The following ANXA11 variants were observed in gnomAD, a reference collection of about 807,000 sequenced individuals.
ANXA11 encodes annexin A11.
Under a neutral mutation model 64.7 loss-of-function variants are expected in ANXA11, and 57 were observed. That is an observed-to-expected ratio of 0.88 (90% CI 0.71 to 1.10). The LOEUF (loss-of-function observed/expected upper bound fraction) is 1.10. Ranked by LOEUF, ANXA11 falls within the 50% of genes least tolerant of loss-of-function variation. ANXA11 has a pLI of 0.00. For missense variants in ANXA11, 675 were observed against 670.7 expected (o/e 1.01, Z -0.07); for synonymous variants, 260 against 265.2 (o/e 0.98, Z 0.19).
intron 8 of ANXA11, among the ~76,000 whole-genome samples, chr10:80,164,774 T>C (rs149541224): frequency 6.0e-4 from 92 of 152,288 alleles, no homozygotes; most frequent in African/African-American, 2.1e-3. Flanking sequence ...GTTCCTTGTC[T>C]GTAAGATGGG....
intron 5 of ANXA11, among the ~76,000 whole-genome samples, chr10:80,168,252 C>T (rs1463595412): frequency 3.2e-4 from 30 of 95,074 alleles, no homozygotes; most frequent in Non-Finnish European, 3.7e-4. Flanking sequence ...CTGTCTGTGC[C>T]GGGGGGGGCG....
chr10:80,204,341 A>G (rs1386696452), intron 1 of ANXA11, among the ~76,000 whole-genome samples: 1 of 152,244 alleles, frequency 6.6e-6, no homozygotes, highest in Non-Finnish European at 1.5e-5. Flanking sequence ...GCCGCATAAA[A>G]GGAATGAGGA....
chr10:80,161,880 A>G lies in ANXA11; in HGVS notation c.1180+55T>C, dbSNP rs1845522543. The G allele has an allele frequency of 9.6e-6, 14 of 1,461,916 alleles. No homozygotes were observed. In the East Asian group the frequency reaches 3.0e-4, roughly 31 times the overall value. 90.6% of individuals were successfully genotyped at this position (1,461,916 alleles called of 1,614,324 possible). ...TGTTCCCATAGCTTTGTTTCCCCACAATCCCCTGACTGCCCTCATCTAACT... is the reference window on the plus strand; with the variant it reads ...TGTTCCCATAGCTTTGTTTCCCCACGATCCCCTGACTGCCCTCATCTAACT... On this transcript the variant is annotated intron_variant, in intron 12 of 15. Coordinates refer to ENST00000422982, the MANE Select transcript of ANXA11 (RefSeq NM_145868.2).
At chr10:80,163,445 C>T in intron 10 of ANXA11, 40 bp from the exon 11 acceptor site, 1 of 1,613,866 alleles carries the variant, frequency 6.2e-7, no homozygotes, top group Non-Finnish European at 8.5e-7. Flanking sequence ...CACTCCTTCC[C>T]CATTTATTTT....
rs1564597774 is a variant in ANXA11, at chr10:80,157,733, G to GA, written c.1365dup (p.Arg456SerfsTer19). On this transcript the variant is annotated frameshift_variant, in exon 15 of 16. Coordinates refer to ENST00000422982, the MANE Select transcript of ANXA11 (RefSeq NM_145868.2). LOFTEE classifies it high-confidence loss of function. ...GTCTCGCTGCGAGACACCATGATGC[G>GA]AATCAGGGTCCGGTCCTTTGTTCCT... 6.2e-7 allele frequency: 1 copy of GA among 1,613,872 alleles called. No individual in the cohort carries two copies. The highest frequency in any genetic ancestry group is 1.7e-5 in the Admixed American group (1 of 60,004).
At chr10:80,177,968 C>T (rs1260877923) in intron 1 of ANXA11, among the ~76,000 whole-genome samples, 2 of 151,776 alleles carry the variant, frequency 1.3e-5, no homozygotes, top group Non-Finnish European at 3.0e-5. Flanking sequence ...TTCTTCTCCT[C>T]CTTTTCTTTG....
intron 1 of ANXA11, among the ~76,000 whole-genome samples, chr10:80,198,067 G>GGCATCA (rs1473356067): frequency 6.6e-6 from 1 of 152,190 alleles, no homozygotes; most frequent in Non-Finnish European, 1.5e-5. Flanking sequence ...TGACTCTCGG[G>GGCATCA]GCATCAGCAA....
At position 80,151,777 on chromosome 10, in the gene ANXA11, T is replaced by C. The variant is rs374351040; in HGVS notation, c.*4076A>G. 4 of 152,212 alleles carry C rather than the reference T, an allele frequency of 2.6e-5. No homozygotes were observed. In the East Asian group the frequency reaches 7.7e-4, roughly 29 times the overall value. 9.4% of individuals were successfully genotyped at this position (152,212 alleles called of 1,614,324 possible). On this transcript the variant is annotated 3_prime_UTR_variant, in exon 16 of 16. Coordinates refer to ENST00000422982, the MANE Select transcript of ANXA11 (RefSeq NM_145868.2). ...GCCCTCTGGAGGAACACCTCTACTT[T>C]TGCGGTGTTCTCTGTGTGAGCACAG...
At chr10:80,188,428 G>A (rs1367717618) in intron 1 of ANXA11, among the ~76,000 whole-genome samples, 1 of 147,888 alleles carries the variant, frequency 6.8e-6, no homozygotes, top group Non-Finnish European at 1.5e-5. Context: ...CCTGTGAAAA[G>A]AGGAAAAATG....
chr10:80,187,471 G>T (rs1319578686), intron 1 of ANXA11, among the ~76,000 whole-genome samples: 1 of 152,126 alleles, frequency 6.6e-6, no homozygotes, highest in Non-Finnish European at 1.5e-5. Flanking sequence ...AAGCCACCCG[G>T]TCTATGATAT....
At chr10:80,175,400 TCCTCTC>T (rs1474923334) in intron 2 of ANXA11, among the ~76,000 whole-genome samples, 1 of 151,882 alleles carries the variant, frequency 6.6e-6, no homozygotes, top group East Asian at 1.9e-4. Flanking sequence ...ACTCCTGGCC[TCCTCTC>T]AGAGAAATGA....
intron 1 of ANXA11, among the ~76,000 whole-genome samples, chr10:80,186,622 G>A (rs1846550694): frequency 6.6e-6 from 1 of 152,222 alleles, no homozygotes; most frequent in Non-Finnish European, 1.5e-5. Context: ...GCCTCAGCCT[G>A]CATGAAGCTC....
At chr10:80,194,578 G>C (rs1048317766) in intron 1 of ANXA11, among the ~76,000 whole-genome samples, 3 of 152,104 alleles carry the variant, frequency 2.0e-5, no homozygotes, top group African/African-American at 7.2e-5. Context: ...TGGAGCATAG[G>C]GGCGTCTGAG....
At chr10:80,189,094 G>A (rs1846664379) in intron 1 of ANXA11, among the ~76,000 whole-genome samples, 1 of 152,206 alleles carries the variant, frequency 6.6e-6, no homozygotes, top group African/African-American at 2.4e-5. Flanking sequence ...GTCCTGAGGT[G>A]ATTAGGGTTA....
intron 1 of ANXA11, among the ~76,000 whole-genome samples, chr10:80,190,022 C>A (rs1434898254): frequency 1.3e-5 from 2 of 152,212 alleles, no homozygotes; most frequent in African/African-American, 4.8e-5. Flanking sequence ...CACAAAAGAA[C>A]AAATACTTCT....
At chr10:80,178,199 C>A (rs1182790680) in intron 1 of ANXA11, among the ~76,000 whole-genome samples, 2 of 147,030 alleles carry the variant, frequency 1.4e-5, no homozygotes, top group South Asian at 2.3e-4. Context: ...GAGCTATAAT[C>A]CAGAAGATCT....
chr10:80,186,506 G>A (rs563922706), intron 1 of ANXA11, among the ~76,000 whole-genome samples: 318 of 152,304 alleles, frequency 2.1e-3, no homozygotes, highest in Admixed American at 4.5e-3. Flanking sequence ...AAGAGTAGAG[G>A]GGACAGCGAA....
At chr10:80,167,771 G>A (rs1340976703) in intron 5 of ANXA11, among the ~76,000 whole-genome samples, 1 of 152,224 alleles carries the variant, frequency 6.6e-6, no homozygotes, top group East Asian at 1.9e-4. Context: ...CCACAACTGT[G>A]CATGGCAGCC....
At chr10:80,164,213 G>A in intron 8 of ANXA11, 70 bp from the exon 9 acceptor site, 11 of 1,270,752 alleles carry the variant, frequency 8.7e-6, no homozygotes, top group Non-Finnish European at 1.3e-5. Context: ...GGGAAGAAGG[G>A]TGGGGGCTAC....
Sources: allele counts gnomAD v4.1 joint callset (sites outside exome capture counted in the v4.1 genomes callset), GRCh38; gene constraint gnomAD v4.1.1; transcripts MANE v1.5; gene names NCBI Gene and HGNC (gene_info 2026-07-23, HGNC 2026-07-21).